Variants in AADACL3 observed in about 807,000 individuals in gnomAD.
The protein encoded by AADACL3 is arylacetamide deacetylase like 3.
Under a neutral mutation model 13.6 loss-of-function variants are expected in AADACL3, and 13 were observed. The ratio of observed to expected loss-of-function variants is 0.95; its 90% CI spans 0.62 to 1.52. The LOEUF (loss-of-function observed/expected upper bound fraction) is 1.52. Ranked by LOEUF, AADACL3 falls within the 40% of genes most tolerant of loss-of-function variation. The pLI is 0.00. For synonymous variants in AADACL3, 195 were observed against 197.0 expected (o/e 0.99, Z 0.08); for missense variants, 519 against 499.2 (o/e 1.04, Z -0.38).
At position 12,725,940 on chromosome 1, in the gene AADACL3, T is replaced by A; in HGVS notation, c.1168T>A (p.Phe390Ile). 1 of 1,614,102 alleles carries A rather than the reference T, an allele frequency of 6.2e-7. No homozygotes were observed. Among genetic ancestry groups the A allele is most frequent in the Non-Finnish European group, 8.5e-7 (1 of 1,180,002 alleles). ...LRTIDMSFLHFPCSMRILSAL... is the reference protein window; with the variant it reads ...LRTIDMSFLHIPCSMRILSAL... ...GACCATTGACATGAGCTTCTTGCAC[T>A]TTCCCTGCTCCATGAGAATTCTGAG... The change falls in exon 4 of 4, where the codon TTT (phenylalanine) becomes ATT (isoleucine). Residue 390 changes from phenylalanine (F) to isoleucine (I), a missense_variant. Transcript: ENST00000359318.
Position 12,725,463 on chromosome 1 carries a change from C to T in AADACL3, c.691C>T (p.Gln231Ter), listed in dbSNP as rs769702307. 84 of 1,613,810 alleles carry T rather than the reference C, an allele frequency of 5.2e-5. No homozygotes were observed. Among genetic ancestry groups the T allele is most frequent in the Non-Finnish European group, 6.6e-5 (78 of 1,179,922 alleles). Residue 231 changes from glutamine to a stop codon, truncating the protein, a stop_gained, in exon 4 of 4, where the codon CAA (glutamine) becomes TAA (stop). Coordinates refer to ENST00000359318, the MANE Select transcript of AADACL3 (RefSeq NM_001103170.3). LOFTEE classifies it low-confidence loss of function (END_TRUNC). ...IYAILQALDLQTPSFQQRKNI... is the reference protein window; with the variant it reads ...IYAILQALDL ...TGCCATTCTCCAAGCCCTGGATTTA[C>T]AAACCCCTTCGTTTCAACAGAGGAA...
chr1:12,719,188 C>A (rs1262129855), intron 1 of AADACL3, among the ~76,000 whole-genome samples: 5 of 152,112 alleles, frequency 3.3e-5, no homozygotes. Context: ...GTAGAGGGAC[C>A]ATCAAGGGTG....
chr1:12,716,561 C>T (rs931815519), intron 1 of AADACL3, among the ~76,000 whole-genome samples: 3 of 152,138 alleles, frequency 2.0e-5, no homozygotes, highest in East Asian at 1.9e-4. Flanking sequence ...TCACAAAATT[C>T]AAAGAATGAT....
At chr1:12,724,587 T>A (rs57257895) in intron 3 of AADACL3, among the ~76,000 whole-genome samples, 33 of 152,174 alleles carry the variant, frequency 2.2e-4, no homozygotes, top group African/African-American at 7.2e-4. Flanking sequence ...CAGGCCCAAG[T>A]GATCCACCTG....
chr1:12,722,439 G>A (rs1638278352), intron 3 of AADACL3, among the ~76,000 whole-genome samples: 1 of 152,182 alleles, frequency 6.6e-6, no homozygotes, highest in South Asian at 2.1e-4. Flanking sequence ...TTTCTACCAT[G>A]GGATCATGGG....
At chr1:12,720,274 A>T (rs1289322189) in intron 2 of AADACL3, among the ~76,000 whole-genome samples, 1 of 152,220 alleles carries the variant, frequency 6.6e-6, no homozygotes, top group African/African-American at 2.4e-5. Flanking sequence ...AGTGCTTTCT[A>T]ATCTGTGGAA....
At chr1:12,716,398 G>T in intron 1 of AADACL3, 54 bp downstream of exon 1, 1 of 1,611,824 alleles carries the variant, frequency 6.2e-7, no homozygotes, top group South Asian at 1.1e-5. Flanking sequence ...GAAGGCGGCA[G>T]GAAAAATCAC....
chr1:12,722,535 C>A (rs11121968), intron 3 of AADACL3, among the ~76,000 whole-genome samples: 52,346 of 151,616 alleles, frequency 0.35, 9,687 homozygotes, highest in African/African-American at 0.49. Context: ...CCAGAAAGTT[C>A]TTTTCTAAAT....
At chr1:12,718,382 A>AG (rs59260773) in intron 1 of AADACL3, among the ~76,000 whole-genome samples, 4 of 146,866 alleles carry the variant, frequency 2.7e-5, no homozygotes, top group Admixed American at 6.7e-5. Flanking sequence ...AAAAAAAAAA[A>AG]GTTCTCAAAT....
chr1:12,725,800 G>T lies in AADACL3; in HGVS notation c.1028G>T (p.Ser343Ile). 6.2e-7 allele frequency: 1 copy of T among 1,614,182 alleles called. No homozygotes were observed. Among genetic ancestry groups the T allele is most frequent in the Non-Finnish European group, 8.5e-7 (1 of 1,180,038 alleles). The change falls in exon 4 of 4, where the codon AGC (serine) becomes ATC (isoleucine). Residue 343 changes from serine to isoleucine, a missense_variant. Physicochemically the swap from Ser to Ile is moderately radical, Grantham distance 142. Transcript: ENST00000359318. Reference protein sequence around the residue: ...VSQLPETCIVSCEYDALRDNS... With the variant: ...VSQLPETCIVICEYDALRDNS... Reference sequence around the variant, plus strand: ...CAGCTCCCGGAAACCTGCATCGTGAGCTGTGAGTATGATGCTCTCCGGGAC... The same window carrying T: ...CAGCTCCCGGAAACCTGCATCGTGATCTGTGAGTATGATGCTCTCCGGGAC...
chr1:12,722,997 T>C (rs1251213602), intron 3 of AADACL3, among the ~76,000 whole-genome samples: 3 of 152,126 alleles, frequency 2.0e-5, no homozygotes, highest in Admixed American at 6.5e-5. Context: ...AGCTAATTTA[T>C]TTAAAAATTT....
At chr1:12,720,195 C>A (rs1219429915) in intron 2 of AADACL3, among the ~76,000 whole-genome samples, 1 of 152,098 alleles carries the variant, frequency 6.6e-6, no homozygotes, top group African/African-American at 2.4e-5. Flanking sequence ...ACTATTGAGA[C>A]AATTTTACTG....
In AADACL3 at chr1:12,723,347, A is replaced by G. The variant is rs58793977; in HGVS notation, c.450-1875A>G. On this transcript the variant is annotated intron_variant, in intron 3 of 3. Coordinates refer to ENST00000359318, the MANE Select transcript of AADACL3 (RefSeq NM_001103170.3). The stretch of plus-strand genomic sequence containing the variant: ...GTTAAATCTAGGAATAAATGTTTAC[A>G]AGGTAAAAATTGTCAGGAGTACCTC... 8.6e-3 allele frequency among the ~76,000 whole-genome samples: 1,309 copies of G among 152,328 alleles called. 17 individuals are homozygous for G. The highest frequency in any genetic ancestry group is 0.029 in the African/African-American group (1,201 of 41,576).
rs767552982 is a variant in AADACL3 at position 12,725,190 on chromosome 1, G to A, written c.450-32G>A. 1.7e-5 allele frequency: 27 copies of A among 1,559,466 alleles called. No homozygotes were observed. In the East Asian group the frequency reaches 3.4e-4, roughly 19 times the overall value. On this transcript the variant is annotated intron_variant, in intron 3 of 3. Coordinates refer to ENST00000359318, the MANE Select transcript of AADACL3 (RefSeq NM_001103170.3). ...GCTGATATTTTGGATCTGCCGGGGC[G>A]TTATCAACTGTGTTTCTTGATTCCT...
Position 12,719,486 on chromosome 1 carries a change from T to C in AADACL3, c.180T>C (p.Phe60=). The C allele has an allele frequency of 6.2e-7, 1 of 1,613,922 alleles. No homozygotes were observed. Among genetic ancestry groups the C allele is most frequent in the Non-Finnish European group, 8.5e-7 (1 of 1,179,782 alleles). Residue 60 remains phenylalanine, a synonymous_variant, in exon 2 of 4, where the codon TTT becomes TTC. Transcript: ENST00000359318. ...TCTCTCTCCAACAGGGGATGATATT[T>C]GAGAAGCTCAGAATCTGTTCTATGC... is the stretch of plus-strand genomic sequence containing the variant. ...FQLLLTWGMI[F]EKLRICSMPQ...
intron 2 of AADACL3, among the ~76,000 whole-genome samples, chr1:12,720,307 C>T (rs117473550): frequency 2.0e-5 from 3 of 152,054 alleles, no homozygotes; most frequent in Non-Finnish European, 2.9e-5. Context: ...AGTGTGGGAG[C>T]CTTTGAGAAT....
intron 3 of AADACL3, among the ~76,000 whole-genome samples, chr1:12,722,057 T>A (rs1638270918): frequency 6.6e-6 from 1 of 152,086 alleles, no homozygotes. Context: ...TGAAGCCGGG[T>A]GCAGTGGCTC....
At position 12,725,296 on chromosome 1, in the gene AADACL3, A is replaced by T. The variant is rs766392066; in HGVS notation, c.524A>T (p.Lys175Met). Residue 175 changes from lysine (K) to methionine (M), a missense_variant, in exon 4 of 4, where the codon AAG (lysine) becomes ATG (methionine). Lys to Met is a moderately conservative substitution (Grantham distance 95). Transcript: ENST00000359318. ...DCLVATIHFL[K>M]SLDAYGVDPA... Reference sequence around the variant, plus strand: ...TTGGTGGCCACCATCCACTTCCTGAAGTCCCTGGATGCATATGGAGTGGAT... The same window carrying T: ...TTGGTGGCCACCATCCACTTCCTGATGTCCCTGGATGCATATGGAGTGGAT... 14 of 1,613,910 alleles carry T rather than the reference A, an allele frequency of 8.7e-6. No individual in the cohort carries two copies. The highest frequency in any genetic ancestry group is 1.2e-5 in the Non-Finnish European group (14 of 1,179,990).
Position 12,719,493 on chromosome 1 carries a change from C to A in AADACL3, c.187C>A (p.Leu63Ile), listed in dbSNP as rs1648518292. The A allele has an allele frequency of 6.2e-7, 1 of 1,613,844 alleles. No homozygotes were observed. The highest frequency in any genetic ancestry group is 1.1e-5 in the South Asian group (1 of 91,084). The change falls in exon 2 of 4, where the codon CTC (leucine) becomes ATC (isoleucine). Residue 63 changes from leucine (L) to isoleucine (I), a missense_variant. Transcript: ENST00000359318. ...CCAACAGGGGATGATATTTGAGAAG[C>A]TCAGAATCTGTTCTATGCCCCAATT... ...LLTWGMIFEK[L>I]RICSMPQFFC...
Sources: gnomAD v4.1 joint callset for allele counts (sites outside exome capture counted in the v4.1 genomes callset) on GRCh38, gnomAD v4.1.1 for gene constraint, MANE v1.5 for transcripts, NCBI Gene and HGNC (gene_info 2026-07-23, HGNC 2026-07-21) for gene names.